The following PRKAR1B variants were observed in gnomAD, a reference collection of about 807,000 sequenced individuals.
PRKAR1B encodes cAMP-dependent protein kinase type I-beta regulatory subunit.
Under a neutral mutation model 46.5 loss-of-function variants are expected in PRKAR1B, and 22 were observed. That is an observed-to-expected ratio of 0.47 (90% CI 0.34 to 0.68). The LOEUF (loss-of-function observed/expected upper bound fraction) is 0.68, where lower values mean the gene tolerates loss of function less well. Ranked by LOEUF, PRKAR1B falls within the 30% of genes least tolerant of loss-of-function variation. The pLI, the probability that PRKAR1B is intolerant of heterozygous loss-of-function variation, is 0.01. For missense variants in PRKAR1B, 445 were observed against 535.6 expected, an observed-to-expected ratio of 0.83 and a Z score of 1.67; for synonymous variants, 259 against 217.7, an observed-to-expected ratio of 1.19 and a Z score of -1.67.
chr7:653,149 C>A (rs1040997107), intron 4 of PRKAR1B, among the ~76,000 whole-genome samples: 4 of 152,204 alleles, frequency 2.6e-5, no homozygotes, highest in South Asian at 2.1e-4. Context: ...TTGGCCAAAC[C>A]CAGCCACACA....
At chr7:648,282 A>G (rs1784724534) in intron 4 of PRKAR1B, among the ~76,000 whole-genome samples, 1 of 152,166 alleles carries the variant, frequency 6.6e-6, no homozygotes, top group African/African-American at 2.4e-5. Context: ...TTGGTATTTT[A>G]ACTGCCCTTC....
chr7:681,162 C>A (rs573817031), intron 2 of PRKAR1B, among the ~76,000 whole-genome samples: 1 of 152,008 alleles, frequency 6.6e-6, no homozygotes, highest in Non-Finnish European at 1.5e-5. Context: ...TGTGAAGAAG[C>A]GGCTCTGCTT....
chr7:582,911 C>G (rs1780279169), intron 8 of PRKAR1B, among the ~76,000 whole-genome samples: 1 of 152,238 alleles, frequency 6.6e-6, no homozygotes, highest in African/African-American at 2.4e-5. Context: ...CGGACCAACT[C>G]GTTTTGTGTT....
chr7:569,911 A>G (rs1039798719), intron 9 of PRKAR1B, among the ~76,000 whole-genome samples: 2 of 152,222 alleles, frequency 1.3e-5, no homozygotes, highest in Non-Finnish European at 2.9e-5. Flanking sequence ...AGATGTCCGC[A>G]TGCACAAAGT....
Position 666,267 on chromosome 7 carries a change from A to G in PRKAR1B, c.440+10962T>C, listed in dbSNP as rs909561780. 7.7e-6 allele frequency among the ~76,000 whole-genome samples: 1 copy of G among 129,578 alleles called. No homozygotes were observed. Among genetic ancestry groups the G allele is most frequent in the African/African-American group, 4.5e-5 (1 of 22,050 alleles). The allele number at this position is 129,578 out of a possible 152,430, so 85.0% of individuals were successfully genotyped here. Reference sequence around the variant, plus strand: ...CCTTCATGGTCCTGGCACATCAGAGAGCTCCGGAACATGCGGGGCTGCTTC... The same window carrying G: ...CCTTCATGGTCCTGGCACATCAGAGGGCTCCGGAACATGCGGGGCTGCTTC... On this transcript the variant is annotated intron_variant, in intron 4 of 10. Transcript: ENST00000537384. The surrounding 1 kb of genome is among the most constrained non-coding windows in gnomAD (Gnocchi z 4.9).
intron 9 of PRKAR1B, among the ~76,000 whole-genome samples, chr7:569,109 C>T (rs1265983797): frequency 6.6e-6 from 1 of 151,634 alleles, no homozygotes; most frequent in Non-Finnish European, 1.5e-5. Context: ...GGCAAAGGCA[C>T]TTGTCAAAGG....
At chr7:570,760 G>A (rs930415952) in intron 9 of PRKAR1B, among the ~76,000 whole-genome samples, 4 of 152,062 alleles carry the variant, frequency 2.6e-5, no homozygotes, top group South Asian at 2.1e-4. Flanking sequence ...CTCTGCAACC[G>A]GAGCCCCCCA....
intron 9 of PRKAR1B, among the ~76,000 whole-genome samples, chr7:559,259 GCCAC>G (rs1474198024): frequency 6.6e-6 from 1 of 152,188 alleles, no homozygotes; most frequent in Non-Finnish European, 1.5e-5. Context: ...TGAAGGCCCA[GCCAC>G]CAGCAAAGTG....
rs957258247 is a variant in PRKAR1B at position 666,475 on chromosome 7, C to G, written c.440+10754G>C. ...GCTGACACAAGGTGAGAAGGCTGCA[C>G]CTACCACCACCCTGGGGCCTGCCCT... On this transcript the variant is annotated intron_variant, in intron 4 of 10. Coordinates refer to ENST00000537384, the MANE Select transcript of PRKAR1B (RefSeq NM_001164760.2). The surrounding 1 kb of genome is among the most constrained non-coding windows in gnomAD (Gnocchi z 4.9). 3.9e-5 allele frequency among the ~76,000 whole-genome samples: 6 copies of G among 152,176 alleles called. No individual in the cohort carries two copies. Among genetic ancestry groups the G allele is most frequent in the African/African-American group, 1.4e-4 (6 of 41,442 alleles).
At chr7:726,618 T>C (rs975156261) in intron 1 of PRKAR1B, 7 of 921,214 alleles carry the variant, frequency 7.6e-6, no homozygotes, top group South Asian at 5.4e-5. Flanking sequence ...GGGGAGGAAG[T>C]AGCCCGGCGC....
rs942038457 is a variant in PRKAR1B, at chr7:593,423, T to C, written c.708+2723A>G. Among the ~76,000 whole-genome samples the C allele has an allele frequency of 6.6e-6, 1 of 152,132 alleles. No homozygotes were observed. Among genetic ancestry groups the C allele is most frequent in the Non-Finnish European group, 1.5e-5 (1 of 68,028 alleles). On this transcript the variant is annotated intron_variant, in intron 7 of 10. Transcript: ENST00000537384. This position sits in a 1 kb window ranked among gnomAD's most constrained non-coding sequence, Gnocchi z 6.1. ...TCCAAACCAGCCCGGCGCGGCCAGC[T>C]ATTCTTAGCGCACAGGGACCCAAAA...
chr7:662,710 A>G (rs1288475385), intron 4 of PRKAR1B, among the ~76,000 whole-genome samples: 1 of 152,000 alleles, frequency 6.6e-6, no homozygotes, highest in Non-Finnish European at 1.5e-5. Flanking sequence ...CCCCACCCCA[A>G]CAGATCCAAA....
intron 2 of PRKAR1B, among the ~76,000 whole-genome samples, chr7:684,314 G>A (rs964887611): frequency 2.0e-5 from 3 of 152,230 alleles, no homozygotes; most frequent in Non-Finnish European, 2.9e-5. Flanking sequence ...AGCTTTATGC[G>A]ATCATTTAAA....
In PRKAR1B at chr7:610,823, C is replaced by T. The variant is rs148393740; in HGVS notation, c.441-3371G>A. On this transcript the variant is annotated intron_variant, in intron 4 of 10. Transcript: ENST00000537384. ...ATCCAGCAGTCACTCTGGAAGGTTACGTGAAGCTGCTGGCTCAGATTTTAA... is the reference window on the plus strand; with the variant it reads ...ATCCAGCAGTCACTCTGGAAGGTTATGTGAAGCTGCTGGCTCAGATTTTAA... Among the ~76,000 whole-genome samples, 423 of 152,344 alleles carry T rather than the reference C, an allele frequency of 2.8e-3. 2 individuals are homozygous for T. The highest frequency in any genetic ancestry group is 9.8e-3 in the African/African-American group (406 of 41,592).
chr7:677,443 G>T, intron 3 of PRKAR1B, 123 bp from the exon 4 acceptor site: 1 of 794,718 alleles, frequency 1.3e-6, no homozygotes, highest in South Asian at 1.5e-5. Context: ...TATGCAATTT[G>T]AAGTTTAATG....
chr7:565,070 C>T (rs534220360), intron 9 of PRKAR1B: 2 of 152,322 alleles, frequency 1.3e-5, no homozygotes, highest in South Asian at 4.1e-4. Context: ...GGAGGGTAAA[C>T]CTAACCACAC....
intron 9 of PRKAR1B, among the ~76,000 whole-genome samples, chr7:571,423 C>T (rs537811979): frequency 3.3e-5 from 5 of 152,324 alleles, no homozygotes; most frequent in South Asian, 2.1e-4. Context: ...GTTCAGGCGT[C>T]GGCGGGGAGG....
chr7:551,390 G>T lies in PRKAR1B; in HGVS notation c.972C>A (p.Phe324Leu). The change falls in exon 10 of 11, where the codon TTC becomes TTA. Residue 324 changes from phenylalanine (F) to leucine (L), a missense_variant and splice_region_variant. Coordinates refer to ENST00000537384, the MANE Select transcript of PRKAR1B (RefSeq NM_001164760.2). ...GGAGGGGACGCCCACTGGACTCACC[G>T]AAGTAGTCAGAGGGTCCCAGGCGCC... ...EVGRLGPSDY[F>L]GEIALLLNRP... 1 of 1,556,964 alleles carries T rather than the reference G, an allele frequency of 6.4e-7. No homozygotes were observed. Among genetic ancestry groups the T allele is most frequent in the Non-Finnish European group, 8.7e-7 (1 of 1,150,196 alleles).
intron 2 of PRKAR1B, among the ~76,000 whole-genome samples, chr7:686,063 G>A (rs1376763269): frequency 6.6e-6 from 1 of 152,154 alleles, no homozygotes; most frequent in East Asian, 1.9e-4. Context: ...CACTTTGGGA[G>A]GCCAAGGTGG....
Sources: gnomAD v4.1 joint callset for allele counts (sites outside exome capture counted in the v4.1 genomes callset) on GRCh38, gnomAD v4.1.1 for gene constraint, Gnocchi (gnomAD v3.1) non-coding constraint, MANE v1.5 for transcripts, NCBI Gene and HGNC (gene_info 2026-07-23, HGNC 2026-07-21) for gene names.